Variants in RAB5B observed in about 807,000 individuals in gnomAD.
RAB5B encodes RAB5B, member RAS oncogene family.
In RAB5B, 11 loss-of-function variants were observed where a neutral mutation model predicts 28.6. The observed-to-expected ratio is 0.38, with a 90% CI of 0.24 to 0.64. The LOEUF (loss-of-function observed/expected upper bound fraction) is 0.64. RAB5B is among the 30% of genes least tolerant of loss of function. The pLI is 0.53. For missense variants in RAB5B, 169 were observed against 265.6 expected (o/e 0.64, Z 2.53); for synonymous variants, 93 against 97.9 (o/e 0.95, Z 0.29).
chr12:55,983,315 C>T (rs1343101177), intron 1 of RAB5B, among the ~76,000 whole-genome samples: 1 of 152,092 alleles, frequency 6.6e-6, no homozygotes, highest in Non-Finnish European at 1.5e-5. Context: ...CTCCTGACCT[C>T]TCAAACACCA....
Position 55,993,546 on chromosome 12 carries a change from A to C in RAB5B, c.*1334A>C, listed in dbSNP as rs1890199526. 2 of 152,634 alleles carry C rather than the reference A, an allele frequency of 1.3e-5. No homozygotes were observed. The highest frequency in any genetic ancestry group is 2.9e-5 in the Non-Finnish European group (2 of 68,056). 9.5% of individuals were successfully genotyped at this position (152,634 alleles called of 1,614,324 possible). ...TTTCCCAGGTTTCACACTCAATTTG[A>C]TATCCATTACCATGTCTTTTCTACT... On this transcript the variant is annotated 3_prime_UTR_variant, in exon 6 of 6. Transcript: ENST00000360299.
intron 1 of RAB5B, chr12:55,985,568 C>A: frequency 2.9e-6 from 1 of 348,850 alleles, no homozygotes. Context: ...TCTCAAAGTC[C>A]CAACTCTTCT....
chr12:55,991,053 G>C, intron 4 of RAB5B: 2 of 538,750 alleles, frequency 3.7e-6, no homozygotes, highest in Non-Finnish European at 6.6e-6. Flanking sequence ...TGTGAAAACA[G>C]GAAGGAGGGA....
In RAB5B at chr12:55,996,249, T is replaced by G. The variant is rs993342971; in HGVS notation, c.*4037T>G. ...GGAAATGATCTTTCAAAATTAAAGG[T>G]GAACACCTTCACTTAAACTGATTAA... On this transcript the variant is annotated 3_prime_UTR_variant, in exon 6 of 6. Coordinates refer to ENST00000360299, the MANE Select transcript of RAB5B (RefSeq NM_002868.4). 2.0e-5 allele frequency: 3 copies of G among 151,674 alleles called. No homozygotes were observed. The highest frequency in any genetic ancestry group is 2.9e-5 in the Non-Finnish European group (2 of 67,960). The allele number at this position is 151,674 out of a possible 1,614,324, so 9.4% of individuals were successfully genotyped here.
rs1178765366 is a variant in RAB5B at position 55,989,971 on chromosome 12, G to A, written c.188G>A (p.Cys63Tyr). 6.2e-7 allele frequency: 1 copy of A among 1,613,514 alleles called. No homozygotes were observed. Among genetic ancestry groups the A allele is most frequent in the Non-Finnish European group, 8.5e-7 (1 of 1,179,580 alleles). ...IGAAFLTQSV[C>Y]LDDTTVKFEI... is the part of the protein sequence containing the mutation. ...GCGGCCTTCCTCACCCAGTCCGTTT[G>A]TCTAGATGACACAACAGTGAAGTTT... Residue 63 changes from cysteine (C) to tyrosine (Y), a missense_variant, in exon 3 of 6, where the codon TGT (cysteine) becomes TAT (tyrosine). Cys to Tyr is a radical substitution (Grantham distance 194, BLOSUM62 -2). Around this residue, in one of 3 missense-constraint regions of RAB5B, gnomAD observed 43 missense variants for 85.8 expected, o/e 0.50. Transcript: ENST00000360299.
At chr12:55,980,756 T>A in intron 1 of RAB5B, 7 of 1,579,578 alleles carry the variant, frequency 4.4e-6, no homozygotes, top group Non-Finnish European at 6.1e-6. Flanking sequence ...GAAAGATTTC[T>A]CATCCGTGAT....
chr12:55,986,911 C>CCTT lies in RAB5B; in HGVS notation c.-50_-49insCTT. On this transcript the variant is annotated 5_prime_UTR_variant, in exon 2 of 6. Coordinates refer to ENST00000360299, the MANE Select transcript of RAB5B (RefSeq NM_002868.4). ...AATCCCCTCCCCTTCCCCCTCCCCC[C>CCTT]TTTACAGTATCCCCCTCCCTCCACC... The CCTT allele has an allele frequency of 1.3e-6, 1 of 752,548 alleles. No individual in the cohort carries two copies. The highest frequency in any genetic ancestry group is 2.3e-6 in the Non-Finnish European group (1 of 439,138). 46.6% of individuals were successfully genotyped at this position (752,548 alleles called of 1,614,324 possible). A position where few individuals can be genotyped will look rare whatever the true frequency, so the allele number is the denominator to read the frequency against.
intron 1 of RAB5B, among the ~76,000 whole-genome samples, chr12:55,981,432 C>T (rs1889805541): frequency 6.6e-6 from 1 of 152,106 alleles, no homozygotes; most frequent in Non-Finnish European, 1.5e-5. Flanking sequence ...TAAATGACCT[C>T]TAGACTGGCT....
In RAB5B at chr12:55,990,102, AGTGAGCTAAGAAGACTGT is replaced by A; in HGVS notation, c.315+5_315+22del. 1 of 1,611,842 alleles carries A rather than the reference AGTGAGCTAAGAAGACTGT, an allele frequency of 6.2e-7. No individual in the cohort carries two copies. The highest frequency in any genetic ancestry group is 8.5e-7 in the Non-Finnish European group (1 of 1,178,672). ...GGTTTACGACATTACTAATCAGGTA[AGTGAGCTAAGAAGACTGT>A]CCTTGTTGGCTGGACATGGTGGCTT... On this transcript the variant is annotated splice_donor_5th_base_variant and intron_variant, in intron 3 of 5. Transcript: ENST00000360299.
chr12:55,976,842 G>T (rs1889658693), intron 1 of RAB5B, among the ~76,000 whole-genome samples: 1 of 152,118 alleles, frequency 6.6e-6, no homozygotes, highest in Non-Finnish European at 1.5e-5. Context: ...CTTATTAATT[G>T]AATTTGTCCT....
At chr12:55,983,566 C>T (rs1889866475) in intron 1 of RAB5B, among the ~76,000 whole-genome samples, 1 of 151,990 alleles carries the variant, frequency 6.6e-6, no homozygotes, top group Non-Finnish European at 1.5e-5. Context: ...TGTCATGTTC[C>T]TCTGTATTAA....
In RAB5B at chr12:55,986,914, T is replaced by A; in HGVS notation, c.-47T>A. Reference sequence around the variant, plus strand: ...CCCCTCCCCTTCCCCCTCCCCCCTTTACAGTATCCCCCTCCCTCCACCCTT... The same window carrying A: ...CCCCTCCCCTTCCCCCTCCCCCCTTAACAGTATCCCCCTCCCTCCACCCTT... On this transcript the variant is annotated 5_prime_UTR_variant, in exon 2 of 6. Transcript: ENST00000360299. The A allele has an allele frequency of 2.1e-6, 1 of 468,984 alleles. No individual in the cohort carries two copies. The highest frequency in any genetic ancestry group is 4.2e-6 in the Non-Finnish European group (1 of 235,306). 29.1% of individuals were successfully genotyped at this position (468,984 alleles called of 1,614,324 possible).
At chr12:55,988,361 C>A (rs765385730) in intron 2 of RAB5B, among the ~76,000 whole-genome samples, 12 of 152,126 alleles carry the variant, frequency 7.9e-5, no homozygotes, top group Non-Finnish European at 1.5e-4. Flanking sequence ...AAAATAGAGG[C>A]TGGAACTAAT....
chr12:55,985,933 GT>G (rs1889939879), intron 1 of RAB5B, among the ~76,000 whole-genome samples: 1 of 152,224 alleles, frequency 6.6e-6, no homozygotes, highest in Non-Finnish European at 1.5e-5. Context: ...GATAATGAAT[GT>G]GATCTGTTGG....
chr12:55,991,557 C>A, intron 5 of RAB5B, 104 bp downstream of exon 5: 1 of 895,624 alleles, frequency 1.1e-6, no homozygotes. Flanking sequence ...TTTGCAAAAA[C>A]TTTAGGTATG....
intron 1 of RAB5B, among the ~76,000 whole-genome samples, chr12:55,975,108 A>G (rs1352638488): frequency 1.3e-5 from 2 of 152,168 alleles, no homozygotes; most frequent in Non-Finnish European, 2.9e-5. Context: ...TGTGGTCTAT[A>G]GCAAATACCA....
intron 1 of RAB5B, among the ~76,000 whole-genome samples, chr12:55,986,636 G>C (rs1326872789): frequency 6.6e-6 from 1 of 152,154 alleles, no homozygotes; most frequent in African/African-American, 2.4e-5. Flanking sequence ...TCAGTTTTCA[G>C]TCTCTCTATT....
At chr12:55,977,052 G>A (rs1011962596) in intron 1 of RAB5B, among the ~76,000 whole-genome samples, 1 of 152,090 alleles carries the variant, frequency 6.6e-6, no homozygotes, top group Non-Finnish European at 1.5e-5. Flanking sequence ...TCGGCTCACT[G>A]CAACGTCTGC....
At chr12:55,976,141 A>T (rs71459326) in intron 1 of RAB5B, among the ~76,000 whole-genome samples, 11,225 of 152,196 alleles carry the variant, frequency 0.074, 458 homozygotes, top group Non-Finnish European at 0.081. Context: ...ATCCTCCCAC[A>T]CATACCTTAT....
Sources: gnomAD v4.1 joint callset for allele counts (sites outside exome capture counted in the v4.1 genomes callset) on GRCh38, gnomAD v4.1.1 for gene constraint, gnomAD v4.1.1 regional missense constraint, MANE v1.5 for transcripts, NCBI Gene and HGNC (gene_info 2026-07-23, HGNC 2026-07-21) for gene names.